DPP6: variants seen among roughly 807,000 people sequenced by gnomAD.
DPP6 encodes the protein dipeptidyl peptidase like 6, also known as A-type potassium channel modulatory protein DPP6.
Under a neutral mutation model 122.6 loss-of-function variants are expected in DPP6, and 69 were observed. The ratio of observed to expected loss-of-function variants is 0.56; its 90% CI spans 0.46 to 0.69. DPP6 has a LOEUF of 0.69. Among genes scored for constraint, DPP6 ranks in the 30% least tolerant of loss-of-function variants. The pLI is 0.00. For synonymous variants in DPP6, 418 were observed against 433.1 expected (o/e 0.97, Z 0.43); for missense variants, 928 against 1,116.9 (o/e 0.83, Z 2.41).
intron 1 of DPP6, among the ~76,000 whole-genome samples, chr7:154,132,738 G>A (rs1288617059): frequency 3.3e-5 from 5 of 152,000 alleles, no homozygotes; most frequent in African/African-American, 1.2e-4. Flanking sequence ...CTTCCATTGG[G>A]TGGCCCTGAT....
At chr7:153,903,351 G>A (rs1472902340) in intron 1 of DPP6, among the ~76,000 whole-genome samples, 2 of 152,222 alleles carry the variant, frequency 1.3e-5, no homozygotes, top group African/African-American at 4.8e-5. Context: ...TCCAAGAGTT[G>A]TTTATTCACT....
At chr7:153,966,587 T>A (rs1290866677) in intron 1 of DPP6, among the ~76,000 whole-genome samples, 351 of 15,220 alleles carry the variant, frequency 0.023, 26 homozygotes, top group African/African-American at 0.069. Flanking sequence ...TTTTTTTTTT[T>A]ACTGCATATA....
chr7:154,836,415 G>A (rs1335842774), intron 16 of DPP6, among the ~76,000 whole-genome samples: 1 of 152,222 alleles, frequency 6.6e-6, no homozygotes, highest in Non-Finnish European at 1.5e-5. Flanking sequence ...TGGTGTTTTT[G>A]AGATCGAACA....
chr7:154,303,227 G>A (rs976283916), intron 1 of DPP6, among the ~76,000 whole-genome samples: 4 of 152,180 alleles, frequency 2.6e-5, no homozygotes, highest in Non-Finnish European at 5.9e-5. Flanking sequence ...CTGAAACTGC[G>A]CTGGTCTACT....
At chr7:154,020,144 T>C (rs1423814131) in intron 1 of DPP6, among the ~76,000 whole-genome samples, 1 of 152,202 alleles carries the variant, frequency 6.6e-6, no homozygotes, top group African/African-American at 2.4e-5. Flanking sequence ...ACAGCAGCTC[T>C]GCTGTCTAAG....
intron 22 of DPP6, among the ~76,000 whole-genome samples, chr7:154,886,078 G>A (rs1160397532): frequency 2.0e-5 from 3 of 152,232 alleles, no homozygotes; most frequent in Admixed American, 6.5e-5. Context: ...CACAGGCCCT[G>A]CCGGGCCGCC....
the DPP6 span, among the ~76,000 whole-genome samples, chr7:153,798,439 G>A: frequency 2.0e-5 from 3 of 152,260 alleles, no homozygotes; most frequent in East Asian, 1.9e-4. Context: ...ACATGCCAGC[G>A]GCAATCACAG....
intron 20 of DPP6, among the ~76,000 whole-genome samples, chr7:154,878,929 G>T (rs1195126365): frequency 2.0e-5 from 3 of 152,190 alleles, no homozygotes; most frequent in Non-Finnish European, 4.4e-5. Flanking sequence ...CGTAGCTAGT[G>T]GAGGAAGCCA....
chr7:154,883,370 A>C (rs1805607498), intron 21 of DPP6, among the ~76,000 whole-genome samples: 1 of 140,594 alleles, frequency 7.1e-6, no homozygotes, highest in African/African-American at 2.7e-5. Flanking sequence ...GCTCACACAC[A>C]CGATTACATA....
At chr7:153,977,502 G>A (rs947452460) in intron 1 of DPP6, among the ~76,000 whole-genome samples, 9 of 152,050 alleles carry the variant, frequency 5.9e-5, no homozygotes, top group African/African-American at 1.4e-4. Context: ...AGAAGTACCC[G>A]AGCTGTTTAT....
chr7:153,963,645 A>G (rs71545675), intron 1 of DPP6, among the ~76,000 whole-genome samples: 77 of 152,238 alleles, frequency 5.1e-4, no homozygotes, highest in Non-Finnish European at 7.2e-4. Context: ...GTCAGATCAG[A>G]GGTGGCATTC....
chr7:154,222,201 A>G (rs1800344463), intron 1 of DPP6, among the ~76,000 whole-genome samples: 1 of 152,090 alleles, frequency 6.6e-6, no homozygotes. Flanking sequence ...TTTGACCCCT[A>G]TCCTCCCAGC....
At chr7:154,246,242 A>G (rs1554499975) in intron 1 of DPP6, among the ~76,000 whole-genome samples, 1 of 150,670 alleles carries the variant, frequency 6.6e-6, no homozygotes, top group Non-Finnish European at 1.5e-5. Flanking sequence ...ATACAGCTAA[A>G]GTAGTGCTTG....
At chr7:154,817,945 G>T (rs1342322204) in intron 16 of DPP6, among the ~76,000 whole-genome samples, 1 of 152,166 alleles carries the variant, frequency 6.6e-6, no homozygotes, top group Non-Finnish European at 1.5e-5. Flanking sequence ...CACATGCCAT[G>T]CATCTATGAT....
intron 10 of DPP6, among the ~76,000 whole-genome samples, chr7:154,790,863 G>A (rs1797630703): frequency 7.8e-6 from 1 of 127,760 alleles, no homozygotes; most frequent in African/African-American, 2.9e-5. Flanking sequence ...GGAGGGGAGG[G>A]AGGGAGGGAA....
chr7:153,833,383 G>A, the DPP6 span, among the ~76,000 whole-genome samples: 2 of 152,314 alleles, frequency 1.3e-5, no homozygotes, highest in South Asian at 4.1e-4. Context: ...CAATAAAAAG[G>A]GAGAAGCCAG....
intron 3 of DPP6, among the ~76,000 whole-genome samples, chr7:154,530,205 C>T (rs1001961327): frequency 1.3e-5 from 2 of 151,662 alleles, no homozygotes; most frequent in Non-Finnish European, 2.9e-5. Flanking sequence ...TTTAGTGCGT[C>T]AGAGGCCTGT....
At chr7:154,317,625 A>G (rs1807551583) in intron 1 of DPP6, among the ~76,000 whole-genome samples, 1 of 152,214 alleles carries the variant, frequency 6.6e-6, no homozygotes, top group South Asian at 2.1e-4. Context: ...TTTTGTACTT[A>G]TTGAAATCTA....
At chr7:154,717,438 C>T (rs1349253306) in intron 7 of DPP6, among the ~76,000 whole-genome samples, 1 of 140,494 alleles carries the variant, frequency 7.1e-6, no homozygotes, top group Non-Finnish European at 1.5e-5. Flanking sequence ...CCGTTCTACT[C>T]TCTACTTCTA....
Sources: allele counts gnomAD v4.1 joint callset (sites outside exome capture counted in the v4.1 genomes callset), GRCh38; gene constraint gnomAD v4.1.1; transcripts MANE v1.5; gene names NCBI Gene and HGNC (gene_info 2026-07-23, HGNC 2026-07-21).